Variants in C12orf42 observed in about 807,000 individuals in gnomAD.
C12orf42 encodes uncharacterized protein C12orf42.
In C12orf42, 25 loss-of-function variants were observed where a neutral mutation model predicts 21.6. The ratio of observed to expected loss-of-function variants is 1.16; its 90% CI spans 0.84 to 1.62. The LOEUF (loss-of-function observed/expected upper bound fraction) is 1.62, where lower values mean the gene tolerates loss of function less well. Ranked by LOEUF, C12orf42 falls within the 40% of genes most tolerant of loss-of-function variation. The pLI, the probability that C12orf42 is intolerant of heterozygous loss-of-function variation, is 0.00. For missense variants in C12orf42, 483 were observed against 459.3 expected, an observed-to-expected ratio of 1.05 and a Z score of -0.47; for synonymous variants, 174 against 175.0, an observed-to-expected ratio of 0.99 and a Z score of 0.05.
the C12orf42 span, among the ~76,000 whole-genome samples, chr12:103,100,346 G>A: frequency 1.3e-5 from 2 of 152,252 alleles, no homozygotes; most frequent in Admixed American, 6.5e-5. Flanking sequence ...GGAGAGCAAC[G>A]GATAAAACTG....
intron 4 of C12orf42, among the ~76,000 whole-genome samples, chr12:103,313,752 G>C (rs528822638): frequency 6.6e-6 from 1 of 151,996 alleles, no homozygotes; most frequent in African/African-American, 2.4e-5. Flanking sequence ...TGACCTCTTC[G>C]GTGGCAAGGA....
chr12:103,323,061 G>A (rs554697206), intron 4 of C12orf42, among the ~76,000 whole-genome samples: 12 of 151,272 alleles, frequency 7.9e-5, no homozygotes, highest in African/African-American at 2.9e-4. Context: ...ATTGGTAGAA[G>A]CAATCTTCTA....
chr12:103,152,463 T>C, the C12orf42 span, among the ~76,000 whole-genome samples: 2 of 152,166 alleles, frequency 1.3e-5, no homozygotes, highest in African/African-American at 4.8e-5. Context: ...ATTACGGTAC[T>C]GGCCATCCTA....
At chr12:103,485,066 T>A (rs1166557670) in intron 1 of C12orf42, among the ~76,000 whole-genome samples, 3 of 152,068 alleles carry the variant, frequency 2.0e-5, no homozygotes, top group Non-Finnish European at 4.4e-5. Context: ...AGACGGGGTT[T>A]CACCATGTTA....
At chr12:103,530,414 TC>T in the C12orf42 span, among the ~76,000 whole-genome samples, 3 of 152,176 alleles carry the variant, frequency 2.0e-5, no homozygotes, top group Non-Finnish European at 4.4e-5. Flanking sequence ...CGCCCCTGCC[TC>T]CCAGCAGGAG....
chr12:103,510,643 T>C, the C12orf42 span, among the ~76,000 whole-genome samples: 15,030 of 152,262 alleles, frequency 0.099, 966 homozygotes, highest in South Asian at 0.27. Context: ...TTAAATTCCC[T>C]AAAACAATCA....
chr12:103,519,725 C>CCCT, the C12orf42 span, among the ~76,000 whole-genome samples: 1 of 152,070 alleles, frequency 6.6e-6, no homozygotes, highest in Non-Finnish European at 1.5e-5. Context: ...AGCCCCTCAC[C>CCCT]CCTCCATCTA....
the C12orf42 span, among the ~76,000 whole-genome samples, chr12:103,051,552 T>C: frequency 6.6e-6 from 1 of 152,202 alleles, no homozygotes. Flanking sequence ...TAAATATTCT[T>C]CTTTTAGGGA....
chr12:103,409,042 T>C (rs2048632091), intron 2 of C12orf42, among the ~76,000 whole-genome samples: 1 of 152,210 alleles, frequency 6.6e-6, no homozygotes, highest in Non-Finnish European at 1.5e-5. Context: ...GCATATTTCA[T>C]GTTTTATCAT....
At chr12:103,394,291 A>C (rs1339656718) in intron 3 of C12orf42, among the ~76,000 whole-genome samples, 1 of 152,132 alleles carries the variant, frequency 6.6e-6, no homozygotes, top group Non-Finnish European at 1.5e-5. Context: ...AAACATCTCA[A>C]AATGCCTTTC....
At chr12:103,522,052 T>C in the C12orf42 span, among the ~76,000 whole-genome samples, 3 of 152,176 alleles carry the variant, frequency 2.0e-5, no homozygotes, top group Non-Finnish European at 4.4e-5. Flanking sequence ...GTGATATGGT[T>C]TGGCTGTGTC....
intron 3 of C12orf42, among the ~76,000 whole-genome samples, chr12:103,393,902 C>A (rs1284876263): frequency 2.1e-4 from 32 of 152,260 alleles, no homozygotes; most frequent in East Asian, 1.9e-4. Context: ...CTAGGCAGAG[C>A]AAATTCTTAG....
the C12orf42 span, among the ~76,000 whole-genome samples, chr12:103,056,132 T>C: frequency 6.6e-6 from 1 of 152,150 alleles, no homozygotes; most frequent in Non-Finnish European, 1.5e-5. Flanking sequence ...GAGAGGAGTA[T>C]GTCGAAAGTC....
chr12:103,217,449 A>C, the C12orf42 span, among the ~76,000 whole-genome samples: 1 of 151,008 alleles, frequency 6.6e-6, no homozygotes, highest in Admixed American at 6.6e-5. Flanking sequence ...GGATCCCTTG[A>C]GCCTCAGAGG....
At chr12:103,223,334 T>C in the C12orf42 span, among the ~76,000 whole-genome samples, 1 of 152,040 alleles carries the variant, frequency 6.6e-6, no homozygotes, top group Non-Finnish European at 1.5e-5. Flanking sequence ...GTGGGGATGT[T>C]AGAAGAAACA....
At chr12:103,332,876 C>T (rs1222673893) in intron 4 of C12orf42, among the ~76,000 whole-genome samples, 3 of 152,198 alleles carry the variant, frequency 2.0e-5, no homozygotes, top group Admixed American at 1.3e-4. Context: ...AAAAAGTTTG[C>T]TGACCCTGGA....
the C12orf42 span, among the ~76,000 whole-genome samples, chr12:103,216,005 A>G: frequency 1.3e-5 from 2 of 152,196 alleles, no homozygotes; most frequent in Non-Finnish European, 2.9e-5. Context: ...ACCATATCAA[A>G]AGGCAAAAAT....
chr12:103,201,306 C>A, the C12orf42 span, among the ~76,000 whole-genome samples: 3 of 152,128 alleles, frequency 2.0e-5, no homozygotes, highest in Admixed American at 2.0e-4. Flanking sequence ...GACCACCAAA[C>A]AGTGACCATG....
At chr12:103,295,730 G>A (rs564994838) in intron 4 of C12orf42, among the ~76,000 whole-genome samples, 1 of 152,072 alleles carries the variant, frequency 6.6e-6, no homozygotes, top group South Asian at 2.1e-4. Flanking sequence ...ACTAATTATT[G>A]CTGATATTAG....
Sources: gnomAD v4.1 joint callset for allele counts (sites outside exome capture counted in the v4.1 genomes callset) on GRCh38, gnomAD v4.1.1 for gene constraint, MANE v1.5 for transcripts, NCBI Gene and HGNC (gene_info 2026-07-23, HGNC 2026-07-21) for gene names.